Variants in HIP1 observed in about 807,000 individuals in gnomAD.
The protein encoded by HIP1 is huntingtin-interacting protein 1.
In HIP1, 65 loss-of-function variants were observed where a neutral mutation model predicts 147.6. The observed-to-expected ratio is 0.44, with a 90% CI of 0.36 to 0.54. The LOEUF (loss-of-function observed/expected upper bound fraction) is 0.54, where lower values mean the gene tolerates loss of function less well. Ranked by LOEUF, HIP1 falls within the 20% of genes least tolerant of loss-of-function variation. The pLI is 0.00. For missense variants in HIP1, 1,061 were observed against 1,299.6 expected (o/e 0.82, Z 2.82); for synonymous variants, 479 against 504.0 (o/e 0.95, Z 0.67).
At chr7:75,711,387 G>A (rs1450246283) in intron 1 of HIP1, among the ~76,000 whole-genome samples, 6 of 152,016 alleles carry the variant, frequency 3.9e-5, no homozygotes, top group African/African-American at 1.4e-4. Context: ...TAAAATCTTG[G>A]CTATAACAAA....
At chr7:75,627,754 A>G (rs1798093426) in intron 1 of HIP1, among the ~76,000 whole-genome samples, 2 of 152,162 alleles carry the variant, frequency 1.3e-5, no homozygotes, top group South Asian at 4.1e-4. Flanking sequence ...CAACTACTAG[A>G]AAATCTGGCA....
intron 1 of HIP1, among the ~76,000 whole-genome samples, chr7:75,729,743 G>A (rs1294302121): frequency 6.6e-6 from 1 of 152,034 alleles, no homozygotes; most frequent in Non-Finnish European, 1.5e-5. Flanking sequence ...CCGAGATCGC[G>A]CTACTGCACT....
chr7:75,559,703 G>GGGGGGCC, intron 14 of HIP1, 29 bp downstream of exon 14: 1 of 1,195,144 alleles, frequency 8.4e-7, no homozygotes, highest in Non-Finnish European at 1.2e-6. Context: ...TGCCCCCGGG[G>GGGGGGCC]CCCGCCCCCG....
At chr7:75,604,272 C>T (rs987863483) in intron 1 of HIP1, among the ~76,000 whole-genome samples, 1 of 152,132 alleles carries the variant, frequency 6.6e-6, no homozygotes, top group African/African-American at 2.4e-5. Context: ...GACAAGAAAC[C>T]CAAATCTGTA....
intron 9 of HIP1, 180 bp from the exon 10 acceptor site, chr7:75,563,443 C>G (rs892315952): frequency 1.2e-5 from 7 of 594,822 alleles, no homozygotes; most frequent in Non-Finnish European, 1.8e-5. Flanking sequence ...TAAAGCTGGT[C>G]CTCAGTGACC....
chr7:75,578,275 G>A (rs1323023488), intron 7 of HIP1, among the ~76,000 whole-genome samples: 1 of 152,184 alleles, frequency 6.6e-6, no homozygotes, highest in Non-Finnish European at 1.5e-5. Flanking sequence ...GAGAGCCATG[G>A]GGAGAGAGCT....
At chr7:75,551,120 C>CCAT (rs782684907) in intron 22 of HIP1, among the ~76,000 whole-genome samples, 4 of 149,536 alleles carry the variant, frequency 2.7e-5, no homozygotes, top group Non-Finnish European at 5.9e-5. Context: ...CAGTAGGACT[C>CCAT]CATTTACCTG....
intron 1 of HIP1, among the ~76,000 whole-genome samples, chr7:75,633,779 T>C (rs1798323777): frequency 6.6e-6 from 1 of 152,154 alleles, no homozygotes; most frequent in Non-Finnish European, 1.5e-5. Context: ...ATACATGTGA[T>C]ACCAGCAGCA....
At chr7:75,660,049 C>T (rs544599142) in intron 1 of HIP1, among the ~76,000 whole-genome samples, 7 of 151,366 alleles carry the variant, frequency 4.6e-5, no homozygotes, top group East Asian at 3.9e-4. Flanking sequence ...TCGCGTGAAC[C>T]GGAGAAGCGG....
intron 9 of HIP1, 94 bp from the exon 10 acceptor site, chr7:75,563,357 A>G: frequency 9.7e-7 from 1 of 1,026,392 alleles, no homozygotes; most frequent in Non-Finnish European, 1.5e-6. Flanking sequence ...CCCCCTCCCC[A>G]GCCCAAAGGC....
At chr7:75,686,406 G>A (rs1373926224) in intron 1 of HIP1, among the ~76,000 whole-genome samples, 2 of 152,216 alleles carry the variant, frequency 1.3e-5, no homozygotes, top group East Asian at 3.9e-4. Context: ...TTTATTTGTA[G>A]TTAAGGCATA....
intron 1 of HIP1, among the ~76,000 whole-genome samples, chr7:75,671,384 G>A (rs371475406): frequency 3.9e-5 from 6 of 152,086 alleles, no homozygotes; most frequent in African/African-American, 9.7e-5. Flanking sequence ...GTGAACCACC[G>A]CACTCGGCTA....
At chr7:75,578,992 G>A (rs1022048394) in intron 7 of HIP1, among the ~76,000 whole-genome samples, 1 of 152,048 alleles carries the variant, frequency 6.6e-6, no homozygotes, top group South Asian at 2.1e-4. Context: ...GCTAATTTTT[G>A]TATTTTCAAT....
chr7:75,559,699 C>CCGGGGG, intron 14 of HIP1, 33 bp downstream of exon 14: 72 of 1,226,382 alleles, frequency 5.9e-5, no homozygotes, highest in Middle Eastern at 2.9e-4. Flanking sequence ...CGCCTGCCCC[C>CCGGGGG]GGGGCCCGCC....
intron 19 of HIP1, 114 bp from the exon 20 acceptor site, chr7:75,554,640 C>A: frequency 1.4e-6 from 1 of 706,300 alleles, no homozygotes; most frequent in Non-Finnish European, 2.5e-6. Context: ...CCTGCCTAGA[C>A]GTGAAGTTCA....
chr7:75,679,438 A>C (rs1799993543), intron 1 of HIP1, among the ~76,000 whole-genome samples: 1 of 152,212 alleles, frequency 6.6e-6, no homozygotes. Flanking sequence ...TCCTGGGCTC[A>C]AGTGATCCTC....
intron 22 of HIP1, among the ~76,000 whole-genome samples, chr7:75,552,568 G>C (rs898771435): frequency 6.6e-6 from 1 of 151,722 alleles, no homozygotes; most frequent in Non-Finnish European, 1.5e-5. Context: ...TGTTGCCTAG[G>C]CTGATATTGA....
At chr7:75,642,250 C>T (rs143667803) in intron 1 of HIP1, among the ~76,000 whole-genome samples, 31 of 151,898 alleles carry the variant, frequency 2.0e-4, no homozygotes, top group African/African-American at 6.8e-4. Flanking sequence ...AACAAAAAAC[C>T]CTTCTGGTTG....
intron 1 of HIP1, among the ~76,000 whole-genome samples, chr7:75,693,888 T>C (rs7803077): frequency 0.54 from 79,579 of 147,610 alleles, 22,123 homozygotes; most frequent in African/African-American, 0.66. Context: ...GTGTGGCTCT[T>C]GAAAAGTTCA....
Sources: allele counts gnomAD v4.1 joint callset (sites outside exome capture counted in the v4.1 genomes callset), GRCh38; gene constraint gnomAD v4.1.1; transcripts MANE v1.5; gene names NCBI Gene and HGNC (gene_info 2026-07-23, HGNC 2026-07-21).